RBM20: variants seen among roughly 807,000 people sequenced by gnomAD.
RBM20 encodes RNA binding motif protein 20, also known as RNA-binding protein 20.
In RBM20, 51 loss-of-function variants were observed where a neutral mutation model predicts 110.1. The observed-to-expected ratio is 0.46, with a 90% CI of 0.37 to 0.59. The LOEUF (loss-of-function observed/expected upper bound fraction) is 0.59. Among genes scored for constraint, RBM20 ranks in the 20% least tolerant of loss-of-function variants. The pLI is 0.00. For missense variants in RBM20, 1,512 were observed against 1,574.9 expected (o/e 0.96, Z 0.68); for synonymous variants, 589 against 618.2 (o/e 0.95, Z 0.70).
At chr10:110,737,182 A>AAAAAAAAAAAAAAAAACAAAC (rs1023856856) in intron 1 of RBM20, among the ~76,000 whole-genome samples, 8 of 137,090 alleles carry the variant, frequency 5.8e-5, no homozygotes, top group African/African-American at 2.2e-4. Flanking sequence ...TGCCTCAAAA[A>AAAAAAAAAAAAAAAAACAAAC]AAAAAAAAAA....
intron 1 of RBM20, among the ~76,000 whole-genome samples, chr10:110,729,754 T>C (rs1378591649): frequency 6.6e-6 from 1 of 152,250 alleles, no homozygotes; most frequent in East Asian, 1.9e-4. Context: ...GATGCGATGT[T>C]GGAATGCTTG....
intron 1 of RBM20, among the ~76,000 whole-genome samples, chr10:110,695,074 G>A (rs552551367): frequency 5.3e-5 from 8 of 152,160 alleles, no homozygotes; most frequent in Admixed American, 1.3e-4. Context: ...TTAAAACTCT[G>A]CCACAGGATT....
chr10:110,653,050 CTT>C (rs1209196452), intron 1 of RBM20, among the ~76,000 whole-genome samples: 2 of 152,176 alleles, frequency 1.3e-5, no homozygotes, highest in Non-Finnish European at 2.9e-5. Context: ...CAAGGTTACT[CTT>C]TTTCCCCAGA....
chr10:110,797,123 T>C (rs1844559648), intron 5 of RBM20, among the ~76,000 whole-genome samples: 1 of 152,172 alleles, frequency 6.6e-6, no homozygotes, highest in Admixed American at 6.5e-5. Flanking sequence ...CAGCCCTCGT[T>C]GTTACTGCTT....
At chr10:110,830,296 T>A (rs1324604503) in intron 12 of RBM20, among the ~76,000 whole-genome samples, 4 of 152,232 alleles carry the variant, frequency 2.6e-5, no homozygotes, top group Non-Finnish European at 5.9e-5. Flanking sequence ...TTGTCACTCC[T>A]CTCTGGCGGT....
chr10:110,827,117 G>T (rs977399636), intron 12 of RBM20, among the ~76,000 whole-genome samples: 2 of 152,144 alleles, frequency 1.3e-5, no homozygotes, highest in African/African-American at 4.8e-5. Context: ...TGAGGAAACT[G>T]AAGTCCAGAG....
chr10:110,689,381 G>A (rs987945288), intron 1 of RBM20, among the ~76,000 whole-genome samples: 5 of 152,198 alleles, frequency 3.3e-5, no homozygotes, highest in Non-Finnish European at 5.9e-5. Context: ...TGCACAAACA[G>A]TATAATGTCA....
intron 1 of RBM20, among the ~76,000 whole-genome samples, chr10:110,674,633 G>A (rs934799229): frequency 1.3e-5 from 2 of 152,186 alleles, no homozygotes; most frequent in African/African-American, 2.4e-5. Context: ...ATTGCATCAG[G>A]AAACCTGCAT....
At chr10:110,676,686 G>T (rs1862344293) in intron 1 of RBM20, among the ~76,000 whole-genome samples, 1 of 152,182 alleles carries the variant, frequency 6.6e-6, no homozygotes, top group Admixed American at 6.5e-5. Context: ...ACAACTTCTT[G>T]TACTTTTCTG....
chr10:110,686,380 C>A lies in RBM20; in HGVS notation c.191+41735C>A, dbSNP rs547272180. Among the ~76,000 whole-genome samples, 8 of 152,096 alleles carry A rather than the reference C, an allele frequency of 5.3e-5. No individual in the cohort carries two copies. The South Asian group carries it at 1.7e-3, about 32-fold the overall frequency. ...CTGATGGAAGTATGAGCCTCCTTCC[C>A]CCGATCCCACCCCCACACAATTTAG... On this transcript the variant is annotated intron_variant, in intron 1 of 13. Coordinates refer to ENST00000369519, the MANE Select transcript of RBM20 (RefSeq NM_001134363.3).
intron 1 of RBM20, among the ~76,000 whole-genome samples, chr10:110,755,337 C>G (rs1843908281): frequency 6.6e-6 from 1 of 152,178 alleles, no homozygotes; most frequent in Non-Finnish European, 1.5e-5. Flanking sequence ...CTTTGGCACT[C>G]AAATCATCCT....
At chr10:110,691,273 G>A (rs1402460564) in intron 1 of RBM20, among the ~76,000 whole-genome samples, 2 of 152,134 alleles carry the variant, frequency 1.3e-5, no homozygotes, top group Non-Finnish European at 2.9e-5. Context: ...CAAGCAACCT[G>A]GTCTATGGCA....
intron 5 of RBM20, among the ~76,000 whole-genome samples, chr10:110,796,143 C>T (rs1844547129): frequency 6.6e-6 from 1 of 152,174 alleles, no homozygotes; most frequent in South Asian, 2.1e-4. Flanking sequence ...GTAAGTCAAA[C>T]AACATGAGGT....
At chr10:110,751,117 C>T (rs971746680) in intron 1 of RBM20, among the ~76,000 whole-genome samples, 1 of 152,204 alleles carries the variant, frequency 6.6e-6, no homozygotes, top group Non-Finnish European at 1.5e-5. Context: ...GCTATCACTG[C>T]TGTCAATCTA....
At chr10:110,807,478 G>A (rs1258483802) in intron 7 of RBM20, among the ~76,000 whole-genome samples, 1 of 152,196 alleles carries the variant, frequency 6.6e-6, no homozygotes, top group Non-Finnish European at 1.5e-5. Flanking sequence ...CCCTCACTGG[G>A]GGCACCCCTG....
At chr10:110,703,523 A>G (rs375489184) in intron 1 of RBM20, among the ~76,000 whole-genome samples, 13 of 152,356 alleles carry the variant, frequency 8.5e-5, no homozygotes, top group East Asian at 5.8e-4. Context: ...GTAGAAGAGT[A>G]TCACAGCCAG....
rs374211247 is a variant in RBM20 at position 110,644,882 on chromosome 10, T to C, written c.191+237T>C. On this transcript the variant is annotated intron_variant, in intron 1 of 13. Coordinates refer to ENST00000369519, the MANE Select transcript of RBM20 (RefSeq NM_001134363.3). The surrounding 1 kb of genome is among the most constrained non-coding windows in gnomAD (Gnocchi z 4.3). ...TTGTTTTTCCTTATCTCCTTTCTCT[T>C]CTCTTCAGGAATGGTACTAGATATT... Among the ~76,000 whole-genome samples, 2 of 152,128 alleles carry C rather than the reference T, an allele frequency of 1.3e-5. No individual in the cohort carries two copies. Among genetic ancestry groups the C allele is most frequent in the East Asian group, 3.9e-4 (2 of 5,184 alleles).
intron 1 of RBM20, among the ~76,000 whole-genome samples, chr10:110,674,498 C>T (rs1862304777): frequency 6.6e-6 from 1 of 152,192 alleles, no homozygotes; most frequent in Admixed American, 6.5e-5. Context: ...ACTTGAATTA[C>T]ATAACCTGTA....
chr10:110,778,040 C>T (rs1347443570), intron 1 of RBM20, among the ~76,000 whole-genome samples: 2 of 152,192 alleles, frequency 1.3e-5, no homozygotes, highest in African/African-American at 4.8e-5. Context: ...CTCTTCCTTC[C>T]GTATTCTTGC....
Sources: allele counts gnomAD v4.1 joint callset (sites outside exome capture counted in the v4.1 genomes callset), GRCh38; gene constraint gnomAD v4.1.1; non-coding constraint Gnocchi (gnomAD v3.1); transcripts MANE v1.5; gene names NCBI Gene and HGNC (gene_info 2026-07-23, HGNC 2026-07-21).